The following RGS8 variants were observed in gnomAD, a reference collection of about 807,000 sequenced individuals.
RGS8 encodes the protein regulator of G-protein signaling 8.
Under a neutral mutation model 21.7 loss-of-function variants are expected in RGS8, and 8 were observed. The observed-to-expected ratio is 0.37, with a 90% CI of 0.22 to 0.66. RGS8 has a LOEUF of 0.66. RGS8 is among the 30% of genes least tolerant of loss of function. The probability of loss-of-function intolerance (pLI) is 0.59; values close to 1 mark genes in which losing one functional copy is unlikely to be tolerated. For synonymous variants in RGS8, 80 were observed against 83.6 expected (o/e 0.96, Z 0.24); for missense variants, 157 against 217.9 (o/e 0.72, Z 1.76).
intron 4 of RGS8, 92 bp downstream of exon 5, chr1:182,666,780 C>T: frequency 1.1e-6 from 1 of 897,396 alleles, no homozygotes; most frequent in Middle Eastern, 2.2e-4. Flanking sequence ...CAGGATTTTT[C>T]CAGTGGCTCA....
intron 2 of RGS8, 140 bp from the exon 4 acceptor site, chr1:182,669,892 G>T: frequency 1.0e-6 from 1 of 957,636 alleles, no homozygotes; most frequent in Non-Finnish European, 1.5e-6. Flanking sequence ...CTTGTCCTTA[G>T]CAGGGGCGAC....
chr1:182,742,223 C>T, the RGS8 span, among the ~76,000 whole-genome samples: 1 of 150,438 alleles, frequency 6.6e-6, no homozygotes, highest in Non-Finnish European at 1.5e-5. Context: ...GATGGGATGG[C>T]GGCCGGGCAG....
At chr1:182,731,211 G>T in the RGS8 span, among the ~76,000 whole-genome samples, 1 of 152,188 alleles carries the variant, frequency 6.6e-6, no homozygotes, top group African/African-American at 2.4e-5. Context: ...GGAGAATCTA[G>T]ATAGAAATGT....
the RGS8 span, among the ~76,000 whole-genome samples, chr1:182,745,235 C>T: frequency 3.3e-5 from 5 of 152,142 alleles, no homozygotes; most frequent in East Asian, 9.6e-4. Context: ...GACATTTTGA[C>T]AGAAGTCGAA....
intron 5 of RGS8, among the ~76,000 whole-genome samples, chr1:182,652,136 G>T (rs1337522627): frequency 6.6e-6 from 1 of 152,242 alleles, no homozygotes; most frequent in African/African-American, 2.4e-5. Flanking sequence ...AGAGCCTGTT[G>T]TTGGTTTTAA....
At chr1:182,732,294 CA>C in the RGS8 span, among the ~76,000 whole-genome samples, 1 of 151,738 alleles carries the variant, frequency 6.6e-6, no homozygotes, top group East Asian at 1.9e-4. Context: ...CACACACACA[CA>C]CACACACCCA....
the RGS8 span, among the ~76,000 whole-genome samples, chr1:182,738,110 C>G: frequency 6.6e-6 from 1 of 152,182 alleles, no homozygotes; most frequent in African/African-American, 2.4e-5. Context: ...TTGCTTTGCT[C>G]AAGACTCATA....
the RGS8 span, among the ~76,000 whole-genome samples, chr1:182,746,706 A>G: frequency 1.9e-4 from 28 of 150,694 alleles, no homozygotes; most frequent in Non-Finnish European, 3.9e-4. Context: ...GAAGGAAAGA[A>G]AGAGAGAGAG....
chr1:182,669,885 G>T, intron 2 of RGS8, 133 bp from the exon 4 acceptor site: 1 of 1,018,154 alleles, frequency 9.8e-7, no homozygotes, highest in Non-Finnish European at 1.4e-6. Flanking sequence ...ATGTCCACTT[G>T]TCCTTAGCAG....
upstream of RGS8, among the ~76,000 whole-genome samples, chr1:182,675,616 C>T (rs1196649100): frequency 1.3e-5 from 2 of 152,198 alleles, no homozygotes; most frequent in Non-Finnish European, 2.9e-5. Flanking sequence ...CATGATTCCT[C>T]TGCTGTCCCT....
downstream of RGS8, chr1:182,642,280 GCCAGGGAGACTTTGCCA>G (rs1662500792): frequency 6.6e-6 from 1 of 151,452 alleles, no homozygotes; most frequent in African/African-American, 2.4e-5. Context: ...GGCTCTCAGT[GCCAGGGAGACTTTGCCA>G]CCTCTCTTGC....
downstream of RGS8, chr1:182,642,701 T>G (rs546123196): frequency 4.6e-5 from 7 of 152,388 alleles, 1 homozygote; most frequent in African/African-American, 1.7e-4. Context: ...AGAACACTCT[T>G]TCACAGCTTT....
chr1:182,685,826 T>C (rs1276394825), upstream of RGS8, among the ~76,000 whole-genome samples: 1 of 152,134 alleles, frequency 6.6e-6, no homozygotes, highest in Middle Eastern at 3.2e-3. Context: ...AGACAACTCT[T>C]GGGAACCTAG....
the RGS8 span, among the ~76,000 whole-genome samples, chr1:182,732,326 G>A: frequency 4.7e-5 from 7 of 149,822 alleles, no homozygotes; most frequent in Admixed American, 6.7e-5. Flanking sequence ...ACTAGGTTGC[G>A]CTTAATGCTC....
the RGS8 span, among the ~76,000 whole-genome samples, chr1:182,716,528 G>A: frequency 6.6e-6 from 1 of 151,450 alleles, no homozygotes; most frequent in Admixed American, 6.6e-5. Context: ...GCAAATATGG[G>A]AACCCCCAGA....
intron 3 of RGS8, among the ~76,000 whole-genome samples, chr1:182,668,290 G>C (rs1663974619): frequency 6.6e-6 from 1 of 152,204 alleles, no homozygotes; most frequent in Non-Finnish European, 1.5e-5. Context: ...CAGGACTTAA[G>C]AGTGACTTAG....
chr1:182,687,943 T>C (rs1276580246), upstream of RGS8, among the ~76,000 whole-genome samples: 1 of 152,226 alleles, frequency 6.6e-6, no homozygotes, highest in African/African-American at 2.4e-5. Context: ...TGAAGAGGGA[T>C]TGGAAGACAT....
chr1:182,684,053 A>G lies in RGS8; in HGVS notation n.221+303T>C, dbSNP rs1450924164. On this transcript the variant is annotated intron_variant and non_coding_transcript_variant, in intron 1 of 4. Coordinates refer to the RGS8 transcript ENST00000515211. The surrounding 1 kb of genome is among the most constrained non-coding windows in gnomAD (Gnocchi z 4.2). ...GAAACAGGATCACCTTTGAGGAGAAAGCAGGTGTTAGGGGACCTGAGGAGT... is the reference window on the plus strand; with the variant it reads ...GAAACAGGATCACCTTTGAGGAGAAGGCAGGTGTTAGGGGACCTGAGGAGT... Among the ~76,000 whole-genome samples, 1 of 152,244 alleles carries G rather than the reference A, an allele frequency of 6.6e-6. No homozygotes were observed. Among genetic ancestry groups the G allele is most frequent in the Non-Finnish European group, 1.5e-5 (1 of 68,044 alleles).
At chr1:182,702,854 G>T in the RGS8 span, among the ~76,000 whole-genome samples, 18 of 152,312 alleles carry the variant, frequency 1.2e-4, no homozygotes, top group African/African-American at 4.3e-4. Flanking sequence ...CCAAATAGGT[G>T]TTCACCTACC....
Sources: allele counts gnomAD v4.1 joint callset (sites outside exome capture counted in the v4.1 genomes callset), GRCh38; gene constraint gnomAD v4.1.1; non-coding constraint Gnocchi (gnomAD v3.1); transcripts MANE v1.5; gene names NCBI Gene and HGNC (gene_info 2026-07-23, HGNC 2026-07-21).